The following SIPA1L2 variants were observed in gnomAD, a reference collection of about 807,000 sequenced individuals.
The protein encoded by SIPA1L2 is signal-induced proliferation-associated 1-like protein 2.
A neutral mutation model predicts 163.9 loss-of-function variants in SIPA1L2; 56 were observed. The ratio of observed to expected loss-of-function variants is 0.34; its 90% CI spans 0.28 to 0.43. The LOEUF (loss-of-function observed/expected upper bound fraction) is 0.43. SIPA1L2 is among the 20% of genes least tolerant of loss of function. SIPA1L2 has a pLI of 1.00. For missense variants in SIPA1L2, 1,974 were observed against 2,193.5 expected (o/e 0.90, Z 2.00); for synonymous variants, 877 against 865.7 (o/e 1.01, Z -0.23).
intron 2 of SIPA1L2, among the ~76,000 whole-genome samples, chr1:232,542,279 C>G (rs879610198): frequency 5.3e-5 from 8 of 152,294 alleles, no homozygotes; most frequent in Non-Finnish European, 1.0e-4. Flanking sequence ...CATAGAGATA[C>G]TGAGGTGATG....
chr1:232,449,246 C>T (rs866333003), intron 10 of SIPA1L2, among the ~76,000 whole-genome samples: 12 of 152,092 alleles, frequency 7.9e-5, no homozygotes, highest in Admixed American at 1.3e-4. Context: ...TGGCCGGGCG[C>T]GGTGGCTCAC....
At chr1:232,538,256 T>C (rs1162723512) in intron 2 of SIPA1L2, among the ~76,000 whole-genome samples, 1 of 152,158 alleles carries the variant, frequency 6.6e-6, no homozygotes, top group Non-Finnish European at 1.5e-5. Flanking sequence ...GTTGAGGGCA[T>C]GCACCAGAAT....
chr1:232,533,656 T>A (rs925258800), intron 2 of SIPA1L2, among the ~76,000 whole-genome samples: 1 of 152,158 alleles, frequency 6.6e-6, no homozygotes, highest in Non-Finnish European at 1.5e-5. Context: ...CATACAGATG[T>A]CCAAGGAAGG....
intron 2 of SIPA1L2, among the ~76,000 whole-genome samples, chr1:232,569,639 C>A (rs1467019990): frequency 1.3e-5 from 2 of 152,136 alleles, no homozygotes; most frequent in Non-Finnish European, 2.9e-5. Flanking sequence ...ACAGTGGAAC[C>A]CTATCTCTAC....
At position 232,479,694 on chromosome 1, in the gene SIPA1L2, T is replaced by C; in HGVS notation, c.2018A>G (p.Tyr673Cys). 6.2e-7 allele frequency: 1 copy of C among 1,613,732 alleles called. No individual in the cohort carries two copies. Among genetic ancestry groups the C allele is most frequent in the South Asian group, 1.1e-5 (1 of 91,074 alleles). Residue 673 changes from tyrosine (Y) to cysteine (C), a missense_variant, in exon 7 of 23, where the codon TAC becomes TGC. Physicochemically the swap from Tyr to Cys is radical, Grantham distance 194. Transcript: ENST00000674635. Reference sequence around the variant, plus strand: ...GTGGAACATGAGTTCGTAGTCTTTGTATGTGGTATAGAGAGAGTGCGTGCC... The same window carrying C: ...GTGGAACATGAGTTCGTAGTCTTTGCATGTGGTATAGAGAGAGTGCGTGCC... ...STGTHSLYTT[Y>C]KDYELMFHVS...
chr1:232,442,251 T>G (rs2102864291), intron 12 of SIPA1L2, among the ~76,000 whole-genome samples: 1 of 149,158 alleles, frequency 6.7e-6, no homozygotes, highest in South Asian at 2.2e-4. Flanking sequence ...TAAATTTTTC[T>G]TAAGAAAAAA....
rs372697087 is a variant in SIPA1L2, at chr1:232,514,260, C to T, written c.1080G>A (p.Gly360=). The change falls in exon 3 of 23, where the codon GGG becomes GGA. Residue 360 remains glycine, a synonymous_variant. Coordinates refer to ENST00000674635, the MANE Select transcript of SIPA1L2 (RefSeq NM_020808.5). ...NVGKRKNITT[G]ASAASQTQMP... ...TCTGAGTCTGGGATGCTGCAGATGCCCCAGTGGTTATGTTTTTCCTTTTCC... is the reference window on the plus strand; with the variant it reads ...TCTGAGTCTGGGATGCTGCAGATGCTCCAGTGGTTATGTTTTTCCTTTTCC... 5.9e-5 allele frequency: 96 copies of T among 1,613,996 alleles called. No individual in the cohort carries two copies. Among genetic ancestry groups the T allele is most frequent in the Non-Finnish European group, 8.1e-5 (95 of 1,180,040 alleles).
At chr1:232,536,717 T>G (rs1346741974) in intron 2 of SIPA1L2, among the ~76,000 whole-genome samples, 1 of 152,170 alleles carries the variant, frequency 6.6e-6, no homozygotes, top group South Asian at 2.1e-4. Context: ...CTCTTGTAAC[T>G]GCAATATTGC....
chr1:232,567,818 G>T (rs1659491979), intron 2 of SIPA1L2, among the ~76,000 whole-genome samples: 1 of 152,252 alleles, frequency 6.6e-6, no homozygotes, highest in South Asian at 2.1e-4. Context: ...GGCCTAATCG[G>T]AGGGTTGGGA....
chr1:232,418,847 G>A (rs1240225049), intron 18 of SIPA1L2, among the ~76,000 whole-genome samples: 3 of 152,314 alleles, frequency 2.0e-5, no homozygotes, highest in Admixed American at 6.5e-5. Flanking sequence ...CAGATGAGAT[G>A]TCTCCTTTTC....
chr1:232,528,100 A>C lies in SIPA1L2; in HGVS notation c.-269-12492T>G, dbSNP rs918767905. Among the ~76,000 whole-genome samples, 13 of 134,780 alleles carry C rather than the reference A, an allele frequency of 9.6e-5. 1 individual carries two copies. Among genetic ancestry groups the C allele is most frequent in the Non-Finnish European group, 1.6e-4 (10 of 62,864 alleles). The allele number at this position is 134,780 out of a possible 152,430, so 88.4% of individuals were successfully genotyped here. On this transcript the variant is annotated intron_variant, in intron 2 of 22. Coordinates refer to ENST00000674635, the MANE Select transcript of SIPA1L2 (RefSeq NM_020808.5). Reference sequence around the variant, plus strand: ...GTTTTATATATATATATATATATATATAATCAACTTTCTAAAAACCACAGG... The same window carrying C: ...GTTTTATATATATATATATATATATCTAATCAACTTTCTAAAAACCACAGG...
intron 19 of SIPA1L2, among the ~76,000 whole-genome samples, chr1:232,412,256 CA>C (rs1190293444): frequency 6.6e-6 from 1 of 152,078 alleles, no homozygotes; most frequent in Non-Finnish European, 1.5e-5. Flanking sequence ...GCAAGTCTGC[CA>C]GGGATCAATT....
At chr1:232,542,889 C>T (rs1657777032) in intron 2 of SIPA1L2, among the ~76,000 whole-genome samples, 1 of 152,198 alleles carries the variant, frequency 6.6e-6, no homozygotes, top group Non-Finnish European at 1.5e-5. Context: ...TAGCCTAAGG[C>T]TATGAATGGA....
chr1:232,593,871 T>C (rs1341660234), intron 1 of SIPA1L2, among the ~76,000 whole-genome samples: 1 of 152,176 alleles, frequency 6.6e-6, no homozygotes, highest in African/African-American at 2.4e-5. Context: ...CTCTTTATAC[T>C]CCGTGGACAT....
At chr1:232,568,240 C>T (rs12077847) in intron 2 of SIPA1L2, among the ~76,000 whole-genome samples, 1,552 of 152,286 alleles carry the variant, frequency 0.01, 25 homozygotes, top group African/African-American at 0.034. Context: ...GAGACTGGCA[C>T]ATGAAGCAGC....
intron 1 of SIPA1L2, among the ~76,000 whole-genome samples, chr1:232,588,158 C>A (rs1660769383): frequency 6.6e-6 from 1 of 152,180 alleles, no homozygotes; most frequent in Admixed American, 6.5e-5. Flanking sequence ...GCAGCATATA[C>A]TGGTGGCTGT....
At chr1:232,567,115 T>C (rs564186523) in intron 2 of SIPA1L2, among the ~76,000 whole-genome samples, 2 of 152,314 alleles carry the variant, frequency 1.3e-5, no homozygotes, top group South Asian at 4.1e-4. Context: ...GGTAGTTTGC[T>C]CCATTACAAA....
chr1:232,520,081 C>T (rs992233169), intron 2 of SIPA1L2, among the ~76,000 whole-genome samples: 11 of 152,164 alleles, frequency 7.2e-5, no homozygotes, highest in Non-Finnish European at 1.3e-4. Flanking sequence ...GGTGAGAAGA[C>T]GGAGTTTGCC....
intron 19 of SIPA1L2, among the ~76,000 whole-genome samples, chr1:232,412,603 C>T (rs953344333): frequency 2.6e-5 from 4 of 152,100 alleles, no homozygotes; most frequent in Non-Finnish European, 4.4e-5. Flanking sequence ...AGATTGATCA[C>T]GCTCATCACC....
Sources: allele counts gnomAD v4.1 joint callset (sites outside exome capture counted in the v4.1 genomes callset), GRCh38; gene constraint gnomAD v4.1.1; transcripts MANE v1.5; gene names NCBI Gene and HGNC (gene_info 2026-07-23, HGNC 2026-07-21).